Variants in PGS1 observed in about 807,000 individuals in gnomAD.
The protein encoded by PGS1 is CDP-diacylglycerol--glycerol-3-phosphate 3-phosphatidyltransferase, mitochondrial.
Under a neutral mutation model 58.3 loss-of-function variants are expected in PGS1, and 44 were observed. The ratio of observed to expected loss-of-function variants is 0.75; its 90% CI spans 0.59 to 0.97. The LOEUF is 0.97. Ranked by LOEUF, PGS1 falls within the 50% of genes least tolerant of loss-of-function variation. The pLI is 0.00. For synonymous variants in PGS1, 330 were observed against 311.0 expected (o/e 1.06, Z -0.64); for missense variants, 684 against 731.1 (o/e 0.94, Z 0.74).
At chr17:78,410,535 G>A (rs62076714) in intron 7 of PGS1, among the ~76,000 whole-genome samples, 139,627 of 139,660 alleles carry the variant, frequency 1, 69,797 homozygotes, top group Middle Eastern at 1. Flanking sequence ...ATGCAGTGGC[G>A]TGGTCTTGGC....
intron 7 of PGS1, among the ~76,000 whole-genome samples, chr17:78,407,483 C>T (rs188261023): frequency 6.6e-6 from 1 of 152,334 alleles, no homozygotes; most frequent in East Asian, 1.9e-4. Context: ...CCATTCATTT[C>T]CTGACTGTCT....
At chr17:78,420,364 G>T in intron 9 of PGS1, 1 of 356,140 alleles carries the variant, frequency 2.8e-6, no homozygotes. Flanking sequence ...TCCGGGCAGG[G>T]GGTGGCTGCC....
At position 78,382,339 on chromosome 17, in the gene PGS1, C is replaced by T. The variant is rs115787964; in HGVS notation, c.143+3531C>T. ...ATGATTTCTTTTGATTCTGGTTCAGCCTGAGATGGTGGGGGCTTTTATATG... is the reference window on the plus strand; with the variant it reads ...ATGATTTCTTTTGATTCTGGTTCAGTCTGAGATGGTGGGGGCTTTTATATG... On this transcript the variant is annotated intron_variant, in intron 1 of 9. Coordinates refer to ENST00000262764, the MANE Select transcript of PGS1 (RefSeq NM_024419.5). 7.8e-3 allele frequency among the ~76,000 whole-genome samples: 1,186 copies of T among 152,094 alleles called. 12 individuals are homozygous for T. The highest frequency in any genetic ancestry group is 0.026 in the African/African-American group (1,089 of 41,460).
intron 1 of PGS1, among the ~76,000 whole-genome samples, chr17:78,390,062 T>TCCCCCCCCCCCCCCCCCCCC (rs1555628316): frequency 3.9e-5 from 5 of 128,598 alleles, no homozygotes; most frequent in African/African-American, 6.0e-5. Flanking sequence ...TGTTGCCTGT[T>TCCCCCCCCCCCCCCCCCCCC]CCCCCGCCCC....
chr17:78,396,114 A>G (rs1440111007), intron 2 of PGS1, among the ~76,000 whole-genome samples, 194 bp from the exon 3 acceptor site: 1 of 152,148 alleles, frequency 6.6e-6, no homozygotes, highest in Non-Finnish European at 1.5e-5. Flanking sequence ...CAGGCTGAGT[A>G]TTTTCATTTA....
intron 7 of PGS1, among the ~76,000 whole-genome samples, 195 bp downstream of exon 7, chr17:78,404,284 T>A (rs1303879228): frequency 4.2e-5 from 1 of 23,932 alleles, no homozygotes; most frequent in Non-Finnish European, 9.5e-5. Context: ...AGGGAATTTT[T>A]TTTTTTTTTT....
At chr17:78,383,457 C>T (rs1271138051) in intron 1 of PGS1, among the ~76,000 whole-genome samples, 1 of 151,996 alleles carries the variant, frequency 6.6e-6, no homozygotes, top group Non-Finnish European at 1.5e-5. Flanking sequence ...AACTCCTGAC[C>T]TCAGGTGGTC....
Position 78,424,068 on chromosome 17 carries a change from C to T in PGS1, c.*18C>T, listed in dbSNP as rs754432776. 4.3e-6 allele frequency: 7 copies of T among 1,614,016 alleles called. No individual in the cohort carries two copies. The highest frequency in any genetic ancestry group is 1.6e-4 in the Middle Eastern group (1 of 6,062). On this transcript the variant is annotated 3_prime_UTR_variant, in exon 10 of 10. Coordinates refer to ENST00000262764, the MANE Select transcript of PGS1 (RefSeq NM_024419.5). ...TCTCCATGCGGTCCACAGGAATGGC[C>T]TTGATGAAGATGACAGGCATGGCCG...
At chr17:78,396,414 A>G in intron 3 of PGS1, 29 bp downstream of exon 3, 1 of 1,515,188 alleles carries the variant, frequency 6.6e-7, no homozygotes, top group Non-Finnish European at 9.1e-7. Context: ...TGGTTGTGGC[A>G]GCAATAGTGA....
chr17:78,380,115 C>T (rs1316922050), intron 1 of PGS1, among the ~76,000 whole-genome samples: 1 of 152,052 alleles, frequency 6.6e-6, no homozygotes, highest in Admixed American at 6.6e-5. Flanking sequence ...ATCCACCTGC[C>T]TCGGCCTCCC....
chr17:78,398,049 C>G (rs768902903), intron 3 of PGS1: 46 of 644,784 alleles, frequency 7.1e-5, no homozygotes, highest in Non-Finnish European at 1.1e-4. Flanking sequence ...CTGGGCCGAT[C>G]AGGCCCCTGG....
chr17:78,392,778 C>T (rs1013526506), intron 2 of PGS1, 113 bp downstream of exon 2: 14 of 805,520 alleles, frequency 1.7e-5, no homozygotes, highest in African/African-American at 1.7e-4. Flanking sequence ...AAGCTTATTC[C>T]TTCTGGGTTT....
chr17:78,392,643 CAG>C lies in PGS1; in HGVS notation c.314_315del (p.Glu105ValfsTer105), dbSNP rs2082911343. ...CACGTTAGGGTGCTTTCTTCCCCGGCAGAGTTTTTCGAGCTCATGAAGGTAAG... is the reference window on the plus strand; with the variant it reads ...CACGTTAGGGTGCTTTCTTCCCCGGCAGTTTTTCGAGCTCATGAAGGTAAG... On this transcript the variant is annotated frameshift_variant, in exon 2 of 10. Transcript: ENST00000262764. LOFTEE classifies it high-confidence loss of function. 1 of 1,613,868 alleles carries C rather than the reference CAG, an allele frequency of 6.2e-7. No individual in the cohort carries two copies. The highest frequency in any genetic ancestry group is 8.5e-7 in the Non-Finnish European group (1 of 1,179,898).
At position 78,419,548 on chromosome 17, in the gene PGS1, G is replaced by A. The variant is rs751528409; in HGVS notation, c.1554G>A (p.Glu518=). Residue 518 remains glutamate (E), a splice_region_variant and synonymous_variant, in exon 9 of 10, where the codon GAG becomes GAA. Coordinates refer to ENST00000262764, the MANE Select transcript of PGS1 (RefSeq NM_024419.5). The part of the protein sequence containing the change: ...NQALQQQLHQ[E]QEQLYLRSGV... ...TCCTGTCTGTTCCTCTTCCTCAGGA[G>A]CAAGAGCAGCTCTACCTGAGGTCAG... The A allele has an allele frequency of 6.2e-7, 1 of 1,613,690 alleles. No homozygotes were observed. Among genetic ancestry groups the A allele is most frequent in the South Asian group, 1.1e-5 (1 of 91,074 alleles).
intron 7 of PGS1, among the ~76,000 whole-genome samples, chr17:78,405,086 C>T (rs2084012992): frequency 6.6e-6 from 1 of 152,132 alleles, no homozygotes. Context: ...CTACCTCTGC[C>T]TCCCGGGTTC....
At chr17:78,415,121 C>T (rs2085066790) in intron 8 of PGS1, 94 bp downstream of exon 8, 3 of 1,408,276 alleles carry the variant, frequency 2.1e-6, no homozygotes, top group Admixed American at 1.9e-5. Flanking sequence ...AGAGCTGTTT[C>T]CTGAGGCAAC....
At chr17:78,419,515 C>A in intron 8 of PGS1, 31 bp from the exon 9 acceptor site, 1 of 1,602,140 alleles carries the variant, frequency 6.2e-7, no homozygotes, top group Non-Finnish European at 8.5e-7. Flanking sequence ...GAGGGGACTC[C>A]TCACTATTCC....
intron 8 of PGS1, among the ~76,000 whole-genome samples, chr17:78,415,496 G>A (rs547889028): frequency 3.3e-5 from 5 of 152,202 alleles, no homozygotes; most frequent in Admixed American, 1.3e-4. Flanking sequence ...GCCGGGCATG[G>A]TGGCGGGTGC....
intron 1 of PGS1, among the ~76,000 whole-genome samples, chr17:78,387,823 C>A (rs1025098334): frequency 6.6e-6 from 1 of 152,100 alleles, no homozygotes; most frequent in Non-Finnish European, 1.5e-5. Context: ...GTCTCGATCT[C>A]CTGGCCTCAA....
Sources: gnomAD v4.1 joint callset for allele counts (sites outside exome capture counted in the v4.1 genomes callset) on GRCh38, gnomAD v4.1.1 for gene constraint, MANE v1.5 for transcripts, NCBI Gene and HGNC (gene_info 2026-07-23, HGNC 2026-07-21) for gene names.